The following FBXL2 variants were observed in gnomAD, a reference collection of about 807,000 sequenced individuals.
FBXL2 encodes the protein F-box/LRR-repeat protein 2.
Under a neutral mutation model 69.2 loss-of-function variants are expected in FBXL2, and 38 were observed. The ratio of observed to expected loss-of-function variants is 0.55; its 90% CI spans 0.42 to 0.72. The LOEUF is 0.72. Ranked by LOEUF, FBXL2 falls within the 30% of genes least tolerant of loss-of-function variation. The pLI, the probability that FBXL2 is intolerant of heterozygous loss-of-function variation, is 0.00. For synonymous variants in FBXL2, 192 were observed against 201.3 expected, an observed-to-expected ratio of 0.95 and a Z score of 0.39; for missense variants, 354 against 520.3, an observed-to-expected ratio of 0.68 and a Z score of 3.11.
At chr3:33,364,328 C>T (rs894042189) in intron 4 of FBXL2, 9 of 373,250 alleles carry the variant, frequency 2.4e-5, no homozygotes, top group Admixed American at 2.2e-4. Flanking sequence ...TAGGGAGGGC[C>T]TAACCCCAGG....
At chr3:33,402,000 TCTC>T (rs34906730) in intron 12 of FBXL2, among the ~76,000 whole-genome samples, 14,522 of 152,194 alleles carry the variant, frequency 0.095, 1,024 homozygotes, top group Non-Finnish European at 0.15. Flanking sequence ...AGTTTATCCA[TCTC>T]CTCAGGGGGA....
chr3:33,418,100 T>G, the FBXL2 span, among the ~76,000 whole-genome samples: 1 of 152,144 alleles, frequency 6.6e-6, no homozygotes, highest in South Asian at 2.1e-4. Context: ...ATCTATATTC[T>G]GAAAACAGAA....
intron 12 of FBXL2, chr3:33,396,897 C>G: frequency 1.3e-6 from 1 of 761,152 alleles, no homozygotes; most frequent in Non-Finnish European, 2.3e-6. Context: ...GTACACAAAA[C>G]AGTCTTCTTG....
intron 2 of FBXL2, among the ~76,000 whole-genome samples, chr3:33,298,311 A>G (rs2035928713): frequency 6.6e-6 from 1 of 152,190 alleles, no homozygotes; most frequent in Non-Finnish European, 1.5e-5. Flanking sequence ...AAGTAAAGCT[A>G]TCAGCAAACA....
chr3:33,384,465 G>C (rs2043276928), intron 14 of FBXL2, among the ~76,000 whole-genome samples: 1 of 152,178 alleles, frequency 6.6e-6, no homozygotes, highest in Non-Finnish European at 1.5e-5. Context: ...GGAGGCTGAG[G>C]CAGGAGAATC....
chr3:33,331,581 C>T (rs2039168757), intron 2 of FBXL2, among the ~76,000 whole-genome samples: 1 of 152,092 alleles, frequency 6.6e-6, no homozygotes, highest in Non-Finnish European at 1.5e-5. Context: ...TCAGAAATTC[C>T]AAGCTAAGAA....
At chr3:33,419,544 C>T in the FBXL2 span, among the ~76,000 whole-genome samples, 6 of 150,542 alleles carry the variant, frequency 4.0e-5, no homozygotes, top group Admixed American at 6.7e-5. Flanking sequence ...AGGAGAATCA[C>T]TTGAACCTGT....
upstream of FBXL2, chr3:33,277,410 A>C (rs1257842232): frequency 5.0e-6 from 6 of 1,208,902 alleles, no homozygotes; most frequent in Non-Finnish European, 5.2e-6. Flanking sequence ...CTCCGAGCCC[A>C]CCTTGGGGAC....
intron 2 of FBXL2, among the ~76,000 whole-genome samples, chr3:33,329,605 C>G (rs952010766): frequency 1.3e-5 from 2 of 152,002 alleles, no homozygotes; most frequent in Non-Finnish European, 2.9e-5. Context: ...GAAATCCTGT[C>G]GTTTGCAGCA....
chr3:33,318,355 T>C (rs1196193353), intron 2 of FBXL2, among the ~76,000 whole-genome samples: 1 of 152,216 alleles, frequency 6.6e-6, no homozygotes, highest in African/African-American at 2.4e-5. Flanking sequence ...AGTTTCTCTT[T>C]TCTCTTCCCT....
At chr3:33,420,747 A>C in the FBXL2 span, among the ~76,000 whole-genome samples, 1 of 152,120 alleles carries the variant, frequency 6.6e-6, no homozygotes, top group East Asian at 1.9e-4. Flanking sequence ...TCTGCCTCCC[A>C]AAGTGCTGGG....
intron 1 of FBXL2, among the ~76,000 whole-genome samples, chr3:33,287,245 T>C (rs978550807): frequency 6.6e-6 from 1 of 152,204 alleles, no homozygotes; most frequent in African/African-American, 2.4e-5. Flanking sequence ...ATATGAGATC[T>C]ATGTTAATAG....
chr3:33,283,071 C>T lies in FBXL2; in HGVS notation c.3+5556C>T, dbSNP rs143140423. On this transcript the variant is annotated intron_variant, in intron 1 of 14. Transcript: ENST00000484457. ...TCCTGCCTGATTGCCCTGGCCAGAA[C>T]TTTCAACACTATATTGAATAGGAGT... Among the ~76,000 whole-genome samples, 1,506 of 152,282 alleles carry T rather than the reference C, an allele frequency of 9.9e-3. 13 individuals are homozygous for T. The highest frequency in any genetic ancestry group is 0.028 in the Admixed American group (433 of 15,296).
chr3:33,409,260 G>A, the FBXL2 span: 3 of 1,614,006 alleles, frequency 1.9e-6, no homozygotes, highest in Non-Finnish European at 2.5e-6. Context: ...TGGTATCATA[G>A]GACGGCTGAT....
intron 2 of FBXL2, among the ~76,000 whole-genome samples, chr3:33,351,629 A>C (rs564095411): frequency 1.3e-5 from 2 of 152,314 alleles, no homozygotes; most frequent in South Asian, 2.1e-4. Context: ...ACCAAAATCC[A>C]AATCAAAATT....
At chr3:33,280,822 T>C (rs2033913147) in intron 1 of FBXL2, among the ~76,000 whole-genome samples, 1 of 152,066 alleles carries the variant, frequency 6.6e-6, no homozygotes, top group East Asian at 1.9e-4. Context: ...GTCAAGTTTT[T>C]GTTATTGTTT....
Position 33,359,217 on chromosome 3 carries a change from T to C in FBXL2, c.121-66T>C, listed in dbSNP as rs2041435029. ...GAAATAAAGGTTAATCAAGACTTTC[T>C]TTAATAGTCTCAATAAATGTGTTTC... On this transcript the variant is annotated intron_variant, in intron 3 of 14. Transcript: ENST00000484457. The C allele has an allele frequency of 1.3e-5, 18 of 1,384,064 alleles. 1 individual carries two copies. Among genetic ancestry groups the C allele is most frequent in the Non-Finnish European group, 1.8e-5 (18 of 993,826 alleles). 85.7% of individuals were successfully genotyped at this position (1,384,064 alleles called of 1,614,324 possible). A position where few individuals can be genotyped will look rare whatever the true frequency, so the allele number is the denominator to read the frequency against.
At chr3:33,347,328 TATGTTGG>T (rs2040518530) in intron 2 of FBXL2, among the ~76,000 whole-genome samples, 1 of 152,224 alleles carries the variant, frequency 6.6e-6, no homozygotes, top group Non-Finnish European at 1.5e-5. Context: ...TGAATGTATA[TATGTTGG>T]ATGTTGGATG....
intron 5 of FBXL2, among the ~76,000 whole-genome samples, chr3:33,368,131 G>T (rs762280273): frequency 2.6e-4 from 39 of 152,168 alleles, no homozygotes; most frequent in Admixed American, 1.6e-3. Context: ...AATATGGCCA[G>T]TCTTGGCAAG....
Sources: allele counts gnomAD v4.1 joint callset (sites outside exome capture counted in the v4.1 genomes callset), GRCh38; gene constraint gnomAD v4.1.1; transcripts MANE v1.5; gene names NCBI Gene and HGNC (gene_info 2026-07-23, HGNC 2026-07-21).